Variants in MYOC observed in about 807,000 individuals in gnomAD.
MYOC encodes myocilin, also known as juvenile-onset open-angle glaucoma 1.
MYOC carries 29 observed loss-of-function variants against 28.2 expected under a neutral mutation model. The observed-to-expected ratio is 1.03, with a 90% CI of 0.77 to 1.40. MYOC has a LOEUF of 1.40. MYOC is among the 40% of genes most tolerant of loss of function. The probability of loss-of-function intolerance (pLI) is 0.00; values close to 1 mark genes in which losing one functional copy is unlikely to be tolerated. For synonymous variants in MYOC, 240 were observed against 245.6 expected (o/e 0.98, Z 0.21); for missense variants, 569 against 620.6 (o/e 0.92, Z 0.88).
intron 1 of MYOC, among the ~76,000 whole-genome samples, chr1:171,644,982 G>A (rs552871174): frequency 1.2e-4 from 18 of 152,272 alleles, no homozygotes; most frequent in African/African-American, 4.3e-4. Context: ...TCCATCCTGT[G>A]CTGAGGAGGT....
intron 1 of MYOC, among the ~76,000 whole-genome samples, chr1:171,650,552 C>T (rs1312477858): frequency 6.6e-6 from 1 of 152,148 alleles, no homozygotes; most frequent in Non-Finnish European, 1.5e-5. Context: ...ATGTTATGGA[C>T]AAGAAATGAA....
At chr1:171,647,464 C>T (rs112422708) in intron 1 of MYOC, among the ~76,000 whole-genome samples, 18,200 of 152,072 alleles carry the variant, frequency 0.12, 1,042 homozygotes, top group East Asian at 0.18. Flanking sequence ...GTGGAGGTTG[C>T]AGTGAGCCAA....
chr1:171,648,961 A>G (rs1195166939), intron 1 of MYOC, among the ~76,000 whole-genome samples: 1 of 151,306 alleles, frequency 6.6e-6, no homozygotes, highest in Non-Finnish European at 1.5e-5. Flanking sequence ...TGCTAAGGTT[A>G]CAGGTGTGAG....
chr1:171,637,162 A>G (rs536751398), intron 2 of MYOC, among the ~76,000 whole-genome samples: 16 of 152,280 alleles, frequency 1.1e-4, no homozygotes, highest in Admixed American at 2.6e-4. Context: ...GAGGGCTTCA[A>G]CTGCATTTGT....
chr1:171,635,880 C>A lies in MYOC; in HGVS notation c.*45G>T, dbSNP rs763009949. On this transcript the variant is annotated 3_prime_UTR_variant, in exon 3 of 3. Coordinates refer to ENST00000037502, the MANE Select transcript of MYOC (RefSeq NM_000261.2). ...CCTTCAGCCTGCTCCCCCCAGGAGC[C>A]CTGAGCATCTCCTTCTGCCATTGCC... 7.5e-6 allele frequency: 12 copies of A among 1,606,646 alleles called. No individual in the cohort carries two copies. In the African/African-American group the frequency reaches 1.3e-4, roughly 18 times the overall value.
intron 1 of MYOC, among the ~76,000 whole-genome samples, chr1:171,646,927 C>A (rs925795062): frequency 6.6e-6 from 1 of 152,148 alleles, no homozygotes; most frequent in African/African-American, 2.4e-5. Context: ...ATTTTAGAGA[C>A]CTCAACCCGG....
rs767058394 is a variant in MYOC, at chr1:171,652,108, C to T, written c.504G>A (p.Arg168=). The T allele has an allele frequency of 1.5e-5, 24 of 1,614,070 alleles. No homozygotes were observed. The highest frequency in any genetic ancestry group is 3.3e-4 in the Middle Eastern group (2 of 6,084). Residue 168 remains arginine, a synonymous_variant, in exon 1 of 3, where the codon AGG becomes AGA. Transcript: ENST00000037502. ...CCTCCTGGCTGCTGCTTTCCAACCT[C>T]CTGGCCAGATTCTCATTTTCTTGCC... ...RLRQENENLA[R]RLESSSQEVA...
Position 171,646,189 on chromosome 1 carries a change from A to C in MYOC, c.604+5819T>G, listed in dbSNP as rs190229737. 6.6e-5 allele frequency among the ~76,000 whole-genome samples: 10 copies of C among 152,336 alleles called. No homozygotes were observed. In the East Asian group the frequency reaches 1.9e-3, roughly 29 times the overall value. ...CAATCTCGTAAAGGGGCCTGGACCT[A>C]AGCCGGAAGTCATAGCTCCTAGTTC... On this transcript the variant is annotated intron_variant, in intron 1 of 2. Coordinates refer to ENST00000037502, the MANE Select transcript of MYOC (RefSeq NM_000261.2).
Position 171,637,606 on chromosome 1 carries a change from A to T in MYOC, c.731-897T>A, listed in dbSNP as rs187172709. ...AATTTAGAGTTACCAGAATCACAACAGATGTCTGTATTTTTTTTTTTTTTG... is the reference window on the plus strand; with the variant it reads ...AATTTAGAGTTACCAGAATCACAACTGATGTCTGTATTTTTTTTTTTTTTG... On this transcript the variant is annotated intron_variant, in intron 2 of 2. Coordinates refer to ENST00000037502, the MANE Select transcript of MYOC (RefSeq NM_000261.2). Among the ~76,000 whole-genome samples, 359 of 151,658 alleles carry T rather than the reference A, an allele frequency of 2.4e-3. 1 individual carries two copies. The highest frequency in any genetic ancestry group is 8.4e-3 in the African/African-American group (346 of 41,358).
chr1:171,646,934 C>A (rs935858778), intron 1 of MYOC, among the ~76,000 whole-genome samples: 33 of 152,186 alleles, frequency 2.2e-4, no homozygotes. Flanking sequence ...AGACCTCAAC[C>A]CGGAAACTGA....
Position 171,636,505 on chromosome 1 carries a change from G to A in MYOC, c.935C>T (p.Pro312Leu), listed in dbSNP as rs1652925777. Residue 312 changes from proline to leucine, a missense_variant, in exon 3 of 3, where the codon CCT (proline) becomes CTT (leucine). Coordinates refer to ENST00000037502, the MANE Select transcript of MYOC (RefSeq NM_000261.2). ...DLISQFMQGY[P>L]SKVHILPRPL... ...CCTAGGCAGTATGTGAACCTTAGAAGGGTAGCCCTGCATAAACTGGCTGAT... is the reference window on the plus strand; with the variant it reads ...CCTAGGCAGTATGTGAACCTTAGAAAGGTAGCCCTGCATAAACTGGCTGAT... The A allele has an allele frequency of 6.2e-7, 1 of 1,611,580 alleles. No individual in the cohort carries two copies. Among genetic ancestry groups the A allele is most frequent in the South Asian group, 1.1e-5 (1 of 90,912 alleles).
chr1:171,647,168 C>T (rs138672659), intron 1 of MYOC, among the ~76,000 whole-genome samples: 11 of 152,324 alleles, frequency 7.2e-5, no homozygotes, highest in South Asian at 2.1e-4. Flanking sequence ...CTAGAATCAA[C>T]GCATGTTATT....
chr1:171,651,603 A>T (rs1653355843), intron 1 of MYOC, among the ~76,000 whole-genome samples: 1 of 152,234 alleles, frequency 6.6e-6, no homozygotes. Flanking sequence ...AATCTATTGT[A>T]ATTTCATAAA....
intron 1 of MYOC, among the ~76,000 whole-genome samples, chr1:171,649,961 C>T (rs191159074): frequency 6.6e-6 from 1 of 152,274 alleles, no homozygotes; most frequent in East Asian, 1.9e-4. Context: ...AGGTCCCTTT[C>T]CAGTTCCACA....
intron 1 of MYOC, among the ~76,000 whole-genome samples, chr1:171,643,632 G>A (rs1653131804): frequency 6.6e-6 from 1 of 152,162 alleles, no homozygotes; most frequent in Non-Finnish European, 1.5e-5. Flanking sequence ...TGCAGACTCT[G>A]CCTCAGGACA....
intron 2 of MYOC, 141 bp downstream of exon 2, chr1:171,638,456 C>A: frequency 1.0e-6 from 1 of 952,702 alleles, no homozygotes; most frequent in Non-Finnish European, 1.6e-6. Flanking sequence ...TTCTGTTCCT[C>A]TTCTCCTCCC....
chr1:171,635,830 C>T lies in MYOC; in HGVS notation c.*95G>A. 7.4e-7 allele frequency: 1 copy of T among 1,357,700 alleles called. No homozygotes were observed. The highest frequency in any genetic ancestry group is 1.0e-6 in the Non-Finnish European group (1 of 968,814). The allele number at this position is 1,357,700 out of a possible 1,614,324, so 84.1% of individuals were successfully genotyped here. ...AAAACTTGGAAAGCAGTCAAAGCTG[C>T]CTGGGCCCTGGCTGGCTGGCTCTCC... On this transcript the variant is annotated 3_prime_UTR_variant, in exon 3 of 3. Coordinates refer to ENST00000037502, the MANE Select transcript of MYOC (RefSeq NM_000261.2).
chr1:171,650,300 A>C (rs975360993), intron 1 of MYOC, among the ~76,000 whole-genome samples: 1 of 152,164 alleles, frequency 6.6e-6, no homozygotes, highest in South Asian at 2.1e-4. Context: ...GCCTCATCAC[A>C]CTTCTGGTAA....
chr1:171,641,801 C>T (rs1653081351), intron 1 of MYOC, among the ~76,000 whole-genome samples: 1 of 152,142 alleles, frequency 6.6e-6, no homozygotes, highest in Non-Finnish European at 1.5e-5. Flanking sequence ...AAAGTCAGTG[C>T]ATCCCCTGAG....
Sources: gnomAD v4.1 joint callset for allele counts (sites outside exome capture counted in the v4.1 genomes callset) on GRCh38, gnomAD v4.1.1 for gene constraint, MANE v1.5 for transcripts, NCBI Gene and HGNC (gene_info 2026-07-23, HGNC 2026-07-21) for gene names.